The following CSMD1 variants were observed in gnomAD, a reference collection of about 807,000 sequenced individuals.
The protein encoded by CSMD1 is CUB and sushi domain-containing protein 1.
CSMD1 carries 213 observed loss-of-function variants against 417.5 expected under a neutral mutation model. The observed-to-expected ratio is 0.51, with a 90% CI of 0.46 to 0.57. The LOEUF (loss-of-function observed/expected upper bound fraction) is 0.57, where lower values mean the gene tolerates loss of function less well. Among genes scored for constraint, CSMD1 ranks in the 20% least tolerant of loss-of-function variants. The probability of loss-of-function intolerance (pLI) is 0.00; values close to 1 mark genes in which losing one functional copy is unlikely to be tolerated. For synonymous variants in CSMD1, 2,862 were observed against 1,736.8 expected (o/e 1.65, Z -16.11); for missense variants, 6,923 against 4,529.7 (o/e 1.53, Z -15.17).
intron 3 of CSMD1, among the ~76,000 whole-genome samples, chr8:4,362,580 T>C (rs924395501): frequency 2.0e-5 from 3 of 152,172 alleles, no homozygotes; most frequent in Non-Finnish European, 4.4e-5. Context: ...CCGTGAAGTG[T>C]AGCACAAAAT....
intron 26 of CSMD1, among the ~76,000 whole-genome samples, chr8:3,276,001 C>T (rs999705850): frequency 6.6e-6 from 1 of 152,204 alleles, no homozygotes; most frequent in Non-Finnish European, 1.5e-5. Flanking sequence ...GGAGGAGAGG[C>T]ACTCTGCTTT....
At chr8:4,699,826 G>A (rs1220365777) in intron 1 of CSMD1, among the ~76,000 whole-genome samples, 1 of 152,210 alleles carries the variant, frequency 6.6e-6, no homozygotes, top group Non-Finnish European at 1.5e-5. Flanking sequence ...TCTTGCCGAT[G>A]CAGAGAGTAC....
chr8:4,093,325 T>G (rs1800819197), intron 3 of CSMD1, among the ~76,000 whole-genome samples: 1 of 152,200 alleles, frequency 6.6e-6, no homozygotes, highest in Non-Finnish European at 1.5e-5. Flanking sequence ...TTAATTTCCA[T>G]GAAGTAAATA....
chr8:3,963,535 A>G (rs1812467657), intron 5 of CSMD1, among the ~76,000 whole-genome samples: 1 of 152,236 alleles, frequency 6.6e-6, no homozygotes, highest in Non-Finnish European at 1.5e-5. Context: ...ATTTTCTATT[A>G]TAAACATAAA....
Position 3,685,703 on chromosome 8 carries a change from C to G in CSMD1, c.1009+22711G>C, listed in dbSNP as rs563353733. On this transcript the variant is annotated intron_variant, in intron 7 of 69. Coordinates refer to ENST00000635120, the MANE Select transcript of CSMD1 (RefSeq NM_033225.6). Reference sequence around the variant, plus strand: ...CAAAGAAAATCAATGCAATTTCAAGCCTTAAGATCAGAAGGGTCAATTTCT... The same window carrying G: ...CAAAGAAAATCAATGCAATTTCAAGGCTTAAGATCAGAAGGGTCAATTTCT... Among the ~76,000 whole-genome samples, 5 of 150,816 alleles carry G rather than the reference C, an allele frequency of 3.3e-5. No individual in the cohort carries two copies. In the South Asian group the frequency reaches 1.1e-3, roughly 32 times the overall value.
intron 2 of CSMD1, among the ~76,000 whole-genome samples, chr8:4,573,321 G>C (rs532680521): frequency 3.3e-5 from 5 of 152,106 alleles, no homozygotes; most frequent in Non-Finnish European, 5.9e-5. Context: ...CATCCTTTTT[G>C]TTAATGTTGA....
chr8:4,458,778 C>T (rs144948185), intron 2 of CSMD1, among the ~76,000 whole-genome samples: 292 of 152,076 alleles, frequency 1.9e-3, no homozygotes, highest in Middle Eastern at 0.01. Context: ...AATAAGATAA[C>T]GGTTAGGAAT....
Position 4,218,664 on chromosome 8 carries a change from G to C in CSMD1, c.416-186565C>G, listed in dbSNP as rs1219193699. ...TGATTTCAGTATTAGTGGGACAGTG[G>C]TTAGGCTCTAAAGCTTGGATACATC... is the stretch of plus-strand genomic sequence containing the variant. On this transcript the variant is annotated intron_variant, in intron 3 of 69. Coordinates refer to ENST00000635120, the MANE Select transcript of CSMD1 (RefSeq NM_033225.6). 3.3e-5 allele frequency among the ~76,000 whole-genome samples: 5 copies of C among 152,132 alleles called. No individual in the cohort carries two copies. In the East Asian group the frequency reaches 5.8e-4, roughly 18 times the overall value.
chr8:4,914,774 C>T (rs1275056625), intron 1 of CSMD1, among the ~76,000 whole-genome samples: 1 of 152,122 alleles, frequency 6.6e-6, no homozygotes, highest in African/African-American at 2.4e-5. Flanking sequence ...TCACTACCTG[C>T]ATGAGTTCCC....
chr8:3,580,644 G>A (rs112129205), intron 9 of CSMD1, among the ~76,000 whole-genome samples: 4,270 of 152,194 alleles, frequency 0.028, 185 homozygotes, highest in African/African-American at 0.097. Flanking sequence ...TAAAGCTTCA[G>A]GAGTCAGGAA....
chr8:4,064,089 C>G (rs962261038), intron 3 of CSMD1, among the ~76,000 whole-genome samples: 5 of 152,224 alleles, frequency 3.3e-5, no homozygotes, highest in African/African-American at 7.2e-5. Context: ...ATGTGAAATG[C>G]GAATCTACTC....
intron 23 of CSMD1, among the ~76,000 whole-genome samples, chr8:3,318,192 T>C (rs565008878): frequency 1.1e-4 from 16 of 152,372 alleles, no homozygotes; most frequent in African/African-American, 3.8e-4. Context: ...ATATTCTATT[T>C]TTATTTATGA....
chr8:3,395,461 G>A (rs1811628987), intron 17 of CSMD1, among the ~76,000 whole-genome samples: 1 of 152,092 alleles, frequency 6.6e-6, no homozygotes, highest in African/African-American at 2.4e-5. Flanking sequence ...AAGTATATTT[G>A]CATAAATATT....
At chr8:3,684,361 T>C (rs1799830453) in intron 7 of CSMD1, among the ~76,000 whole-genome samples, 1 of 147,148 alleles carries the variant, frequency 6.8e-6, no homozygotes, top group South Asian at 2.1e-4. Flanking sequence ...AAGCATGTTG[T>C]ATATTACATA....
intron 5 of CSMD1, among the ~76,000 whole-genome samples, chr8:3,914,285 G>T (rs1325070512): frequency 6.6e-6 from 1 of 152,160 alleles, no homozygotes; most frequent in South Asian, 2.1e-4. Context: ...GAGAGAAAGG[G>T]TCACAGGTAG....
At chr8:4,666,689 T>G (rs1804958375) in intron 1 of CSMD1, among the ~76,000 whole-genome samples, 2 of 152,340 alleles carry the variant, frequency 1.3e-5, no homozygotes, top group South Asian at 4.1e-4. Context: ...TGTCCAAATA[T>G]TTTTTATTTT....
chr8:4,055,089 A>G (rs1798623046), intron 3 of CSMD1, among the ~76,000 whole-genome samples: 2 of 152,218 alleles, frequency 1.3e-5, no homozygotes, highest in South Asian at 4.1e-4. Context: ...TGAGATTATT[A>G]GTAACACATT....
chr8:4,820,100 A>G (rs10113508), intron 1 of CSMD1, among the ~76,000 whole-genome samples: 9,312 of 152,166 alleles, frequency 0.061, 491 homozygotes, highest in East Asian at 0.24. Context: ...AAGCCACCTA[A>G]GGCAAATCTG....
At chr8:3,558,247 A>G (rs1476328193) in intron 10 of CSMD1, among the ~76,000 whole-genome samples, 1 of 150,148 alleles carries the variant, frequency 6.7e-6, no homozygotes, top group Non-Finnish European at 1.5e-5. Context: ...ATAGTGCCTC[A>G]ATAGTACCCT....
Sources: allele counts gnomAD v4.1 joint callset (sites outside exome capture counted in the v4.1 genomes callset), GRCh38; gene constraint gnomAD v4.1.1; transcripts MANE v1.5; gene names NCBI Gene and HGNC (gene_info 2026-07-23, HGNC 2026-07-21).